Variants in SLC26A8 observed in about 807,000 individuals in gnomAD.
SLC26A8 encodes the protein solute carrier family 26 member 8.
Under a neutral mutation model 105.0 loss-of-function variants are expected in SLC26A8, and 70 were observed. The observed-to-expected ratio is 0.67, with a 90% CI of 0.55 to 0.81. The LOEUF is 0.81. Ranked by LOEUF, SLC26A8 falls within the 40% of genes least tolerant of loss-of-function variation. The pLI is 0.00. For synonymous variants in SLC26A8, 415 were observed against 438.3 expected (o/e 0.95, Z 0.66); for missense variants, 998 against 1,181.8 (o/e 0.84, Z 2.28).
rs764162395 is a variant in SLC26A8 at position 35,955,393 on chromosome 6, G to A, written c.1991C>T (p.Thr664Ile). 2.5e-6 allele frequency: 4 copies of A among 1,614,206 alleles called. No individual in the cohort carries two copies. The highest frequency in any genetic ancestry group is 2.2e-5 in the East Asian group (1 of 44,886). ...ATTTTTCTGAGACACGGACGATACT[G>A]TGTATGGCACTTGGTCTTCGGATGC... ...QTASEDQVPY[T>I]VSSVSQKNQG... is the part of the protein sequence containing the mutation. The change falls in exon 17 of 20, where the codon ACA becomes ATA. Residue 664 changes from threonine (T) to isoleucine (I), a missense_variant. Coordinates refer to ENST00000490799, the MANE Select transcript of SLC26A8 (RefSeq NM_052961.4).
chr6:35,992,539 A>G lies in SLC26A8; in HGVS notation c.763T>C (p.Phe255Leu), dbSNP rs1194770134. 6.2e-7 allele frequency: 1 copy of G among 1,613,756 alleles called. No individual in the cohort carries two copies. The highest frequency in any genetic ancestry group is 1.3e-5 in the African/African-American group (1 of 74,920). Residue 255 changes from phenylalanine to leucine, a missense_variant, in exon 6 of 20, where the codon TTC becomes CTC. Phe to Leu is a conservative substitution (Grantham distance 22). Transcript: ENST00000490799. ...AAGAAGGAGATGGGACCGGCATGGA[A>G]ACTAATCATAATCCCAAAGATGAAA... ...LTFIFGIMIS[F>L]HAGPISFFYD...
rs1277090498 is a variant in SLC26A8, at chr6:36,021,748, A to C, written c.-2-2039T>G. Among the ~76,000 whole-genome samples the C allele has an allele frequency of 9.9e-5, 15 of 152,094 alleles. No homozygotes were observed. The East Asian group carries it at 2.9e-3, about 29-fold the overall frequency. ...TTTTAAATGTTGTCAATTACTTTAC[A>C]TATGTTTACGTATACATATAAATAT... is the stretch of plus-strand genomic sequence containing the variant. On this transcript the variant is annotated intron_variant, in intron 1 of 19. Transcript: ENST00000490799.
At chr6:35,979,704 A>G (rs1400487780) in intron 8 of SLC26A8, among the ~76,000 whole-genome samples, 1 of 152,176 alleles carries the variant, frequency 6.6e-6, no homozygotes, top group Non-Finnish European at 1.5e-5. Context: ...AATATTTAGT[A>G]TGATAACAAC....
intron 5 of SLC26A8, among the ~76,000 whole-genome samples, chr6:35,994,212 T>C (rs1205944891): frequency 6.6e-6 from 1 of 150,584 alleles, no homozygotes; most frequent in Non-Finnish European, 1.5e-5. Context: ...CCTCCCAGGT[T>C]CACGCCATTC....
intron 2 of SLC26A8, among the ~76,000 whole-genome samples, chr6:36,018,645 A>G (rs1762052904): frequency 1.3e-5 from 2 of 152,256 alleles, no homozygotes; most frequent in Non-Finnish European, 1.5e-5. Context: ...AAATGGTCAA[A>G]ATAGCCAATT....
At chr6:36,017,828 GACAA>G (rs1254796868) in intron 2 of SLC26A8, among the ~76,000 whole-genome samples, 2 of 151,896 alleles carry the variant, frequency 1.3e-5, no homozygotes, top group African/African-American at 4.8e-5. Context: ...ACAACAAAAA[GACAA>G]ACAACCTAAT....
intron 10 of SLC26A8, among the ~76,000 whole-genome samples, chr6:35,974,790 G>T (rs1772932261): frequency 1.3e-5 from 2 of 152,172 alleles, no homozygotes; most frequent in Non-Finnish European, 2.9e-5. Context: ...AGGCTGGAGT[G>T]CAGTGGCACC....
intron 8 of SLC26A8, among the ~76,000 whole-genome samples, chr6:35,977,927 A>C (rs1344142776): frequency 6.6e-6 from 1 of 152,020 alleles, no homozygotes; most frequent in Non-Finnish European, 1.5e-5. Flanking sequence ...TCTACTAAAA[A>C]TATAAAAAAT....
intron 7 of SLC26A8, among the ~76,000 whole-genome samples, chr6:35,982,422 T>A (rs2127333108): frequency 6.6e-6 from 1 of 152,272 alleles, no homozygotes; most frequent in African/African-American, 2.4e-5. Context: ...TAAGCCAGAG[T>A]GCAAAACAAC....
At chr6:35,947,055 G>GTC (rs1384022467) in intron 19 of SLC26A8, among the ~76,000 whole-genome samples, 2 of 151,796 alleles carry the variant, frequency 1.3e-5, no homozygotes, top group Non-Finnish European at 2.9e-5. Context: ...TTGAAACAGG[G>GTC]TCTCGCTCTG....
At chr6:35,970,658 C>A (rs1174257449) in intron 10 of SLC26A8, among the ~76,000 whole-genome samples, 1 of 152,124 alleles carries the variant, frequency 6.6e-6, no homozygotes, top group East Asian at 1.9e-4. Context: ...TTCTTTTCTG[C>A]CACTTTTTTT....
chr6:35,954,612 T>G (rs1771986677), intron 17 of SLC26A8, among the ~76,000 whole-genome samples: 1 of 152,204 alleles, frequency 6.6e-6, no homozygotes, highest in Non-Finnish European at 1.5e-5. Flanking sequence ...AATAATGTTT[T>G]ATGCTTACCA....
intron 6 of SLC26A8, 84 bp downstream of exon 6, chr6:35,992,426 G>T (rs188939304): frequency 7.1e-7 from 1 of 1,399,032 alleles, no homozygotes; most frequent in East Asian, 2.3e-5. Context: ...AGAAGGGGCG[G>T]GAGTCTCCCT....
intron 3 of SLC26A8, among the ~76,000 whole-genome samples, chr6:36,007,892 G>A (rs375050838): frequency 8.0e-5 from 12 of 149,442 alleles, no homozygotes; most frequent in African/African-American, 1.7e-4. Context: ...AGGCCAAGGC[G>A]GGCAGATCAC....
At chr6:35,984,015 C>T (rs1773386261) in intron 7 of SLC26A8, among the ~76,000 whole-genome samples, 1 of 152,166 alleles carries the variant, frequency 6.6e-6, no homozygotes, top group Admixed American at 6.5e-5. Flanking sequence ...CTAAGGGAAA[C>T]AGGGAGGTCT....
intron 6 of SLC26A8, 90 bp from the exon 7 acceptor site, chr6:35,991,898 A>C: frequency 1.6e-6 from 2 of 1,283,990 alleles, no homozygotes; most frequent in Non-Finnish European, 2.1e-6. Context: ...CCCAAAAAGA[A>C]GTCCCCAAGT....
chr6:35,997,632 A>T (rs1489119515), intron 5 of SLC26A8, 106 bp downstream of exon 5: 10 of 1,130,262 alleles, frequency 8.8e-6, no homozygotes, highest in Non-Finnish European at 1.1e-5. Flanking sequence ...AAATCACTGA[A>T]GTTCCAGGTA....
chr6:36,003,910 C>T (rs1335812184), intron 3 of SLC26A8, among the ~76,000 whole-genome samples: 7 of 152,038 alleles, frequency 4.6e-5, no homozygotes, highest in Non-Finnish European at 1.0e-4. Context: ...ATCTGCCTGC[C>T]TCGGCCTCCC....
chr6:35,968,381 G>A (rs2127308493), intron 11 of SLC26A8, among the ~76,000 whole-genome samples: 1 of 151,358 alleles, frequency 6.6e-6, no homozygotes, highest in South Asian at 2.1e-4. Context: ...CTGACTTCAG[G>A]TAATCTGCCC....
Sources: gnomAD v4.1 joint callset for allele counts (sites outside exome capture counted in the v4.1 genomes callset) on GRCh38, gnomAD v4.1.1 for gene constraint, MANE v1.5 for transcripts, NCBI Gene and HGNC (gene_info 2026-07-23, HGNC 2026-07-21) for gene names.